The following SLC35D4 variants were observed in gnomAD, a reference collection of about 807,000 sequenced individuals.
SLC35D4 encodes the protein solute carrier family 35 member D4.
At chr18:23,433,593 C>T in the SLC35D4 span, among the ~76,000 whole-genome samples, 1 of 152,158 alleles carries the variant, frequency 6.6e-6, no homozygotes, top group Admixed American at 6.5e-5. Context: ...GCCACCAAGC[C>T]AGAGCTCAAG....
the SLC35D4 span, among the ~76,000 whole-genome samples, chr18:23,392,450 T>A: frequency 6.6e-6 from 1 of 152,360 alleles, no homozygotes; most frequent in East Asian, 1.9e-4. Context: ...TGCCATTAGA[T>A]GGCAAACTCC....
the SLC35D4 span, among the ~76,000 whole-genome samples, chr18:23,301,025 A>G: frequency 3.9e-5 from 6 of 152,238 alleles, no homozygotes; most frequent in Non-Finnish European, 1.5e-5. Context: ...AGCACTCAAT[A>G]AATACCGATT....
At chr18:23,328,279 T>A in the SLC35D4 span, among the ~76,000 whole-genome samples, 2 of 152,236 alleles carry the variant, frequency 1.3e-5, no homozygotes, top group Non-Finnish European at 2.9e-5. Context: ...TATTTGCAGA[T>A]GACATGGTTG....
At chr18:23,307,052 G>T in the SLC35D4 span, among the ~76,000 whole-genome samples, 1 of 152,166 alleles carries the variant, frequency 6.6e-6, no homozygotes, top group East Asian at 1.9e-4. Context: ...TAGGCCCCCA[G>T]ATCTAACACC....
the SLC35D4 span, among the ~76,000 whole-genome samples, chr18:23,324,596 G>A: frequency 6.6e-6 from 1 of 152,186 alleles, no homozygotes; most frequent in Admixed American, 6.5e-5. Flanking sequence ...ACCCCACGCT[G>A]GGTTAGCTAA....
chr18:23,393,221 AT>A, the SLC35D4 span, among the ~76,000 whole-genome samples: 288 of 147,026 alleles, frequency 2.0e-3, 1 homozygote, highest in Non-Finnish European at 2.4e-3. Context: ...GGCCTAGATT[AT>A]TTTTTTTTTT....
the SLC35D4 span, chr18:23,399,663 A>G: frequency 5.7e-5 from 92 of 1,612,992 alleles, 1 homozygote; most frequent in Non-Finnish European, 7.3e-5. Context: ...AAGAGGGGAA[A>G]AAAGCAATAA....
the SLC35D4 span, among the ~76,000 whole-genome samples, chr18:23,372,159 A>C: frequency 6.7e-6 from 1 of 149,846 alleles, no homozygotes; most frequent in African/African-American, 2.5e-5. Context: ...GATGGTCTCG[A>C]TCTCCTGACC....
At chr18:23,361,103 C>CAAAAAAAAAAAAAAAA in the SLC35D4 span, among the ~76,000 whole-genome samples, 18 of 94,098 alleles carry the variant, frequency 1.9e-4, no homozygotes, top group South Asian at 4.1e-4. Flanking sequence ...GACTTTGTCT[C>CAAAAAAAAAAAAAAAA]AAAAAAAAAA....
the SLC35D4 span, among the ~76,000 whole-genome samples, chr18:23,415,449 T>G: frequency 2.0e-5 from 3 of 152,334 alleles, no homozygotes; most frequent in South Asian, 6.2e-4. Context: ...TGTTTTTATT[T>G]AAACCTGTAG....
At chr18:23,420,199 A>T in the SLC35D4 span, among the ~76,000 whole-genome samples, 1 of 152,138 alleles carries the variant, frequency 6.6e-6, no homozygotes, top group African/African-American at 2.4e-5. Context: ...GCTACTCAAG[A>T]GGCTGAGGCA....
At chr18:23,273,713 C>A in the SLC35D4 span, among the ~76,000 whole-genome samples, 1 of 152,142 alleles carries the variant, frequency 6.6e-6, no homozygotes, top group African/African-American at 2.4e-5. Context: ...ATTCGCCTCA[C>A]GGTCACATTC....
chr18:23,403,308 C>T, the SLC35D4 span, among the ~76,000 whole-genome samples: 1 of 152,154 alleles, frequency 6.6e-6, no homozygotes, highest in Admixed American at 6.5e-5. Flanking sequence ...ACATTGATAA[C>T]TGTTATAAAG....
chr18:23,364,654 C>T, the SLC35D4 span, among the ~76,000 whole-genome samples: 3 of 152,004 alleles, frequency 2.0e-5, no homozygotes, highest in African/African-American at 7.2e-5. Context: ...CCTGTAATCC[C>T]AGCACTTTGG....
chr18:23,434,002 C>T, the SLC35D4 span, among the ~76,000 whole-genome samples: 1 of 152,192 alleles, frequency 6.6e-6, no homozygotes, highest in East Asian at 1.9e-4. Context: ...AATGAATATG[C>T]TCATGGGGTG....
chr18:23,329,706 G>T, the SLC35D4 span, among the ~76,000 whole-genome samples: 523 of 152,224 alleles, frequency 3.4e-3, 2 homozygotes, highest in Non-Finnish European at 5.9e-3. Context: ...CTATTACTGG[G>T]TATATACCCA....
At chr18:23,425,778 T>C in the SLC35D4 span, among the ~76,000 whole-genome samples, 3 of 152,212 alleles carry the variant, frequency 2.0e-5, no homozygotes, top group Non-Finnish European at 2.9e-5. Context: ...TATATGATAT[T>C]AACAATCATA....
At chr18:23,268,136 C>A in the SLC35D4 span, among the ~76,000 whole-genome samples, 1 of 152,146 alleles carries the variant, frequency 6.6e-6, no homozygotes, top group African/African-American at 2.4e-5. Context: ...GAAGTCTCTA[C>A]CACACCTTTA....
chr18:23,241,704 G>A, the SLC35D4 span, among the ~76,000 whole-genome samples: 1 of 152,106 alleles, frequency 6.6e-6, no homozygotes, highest in African/African-American at 2.4e-5. Flanking sequence ...GGACTTCTGA[G>A]TCCTGGTGTA....
Sources: allele counts gnomAD v4.1 joint callset (sites outside exome capture counted in the v4.1 genomes callset), GRCh38; gene constraint gnomAD v4.1.1; transcripts MANE v1.5; gene names NCBI Gene and HGNC (gene_info 2026-07-23, HGNC 2026-07-21).